CTCFL: variants seen among roughly 807,000 people sequenced by gnomAD.
CTCFL encodes transcriptional repressor CTCFL.
A neutral mutation model predicts 67.4 loss-of-function variants in CTCFL; 36 were observed. That is an observed-to-expected ratio of 0.53 (90% CI 0.41 to 0.71). The LOEUF is 0.71. Among genes scored for constraint, CTCFL ranks in the 30% least tolerant of loss-of-function variants. The pLI, the probability that CTCFL is intolerant of heterozygous loss-of-function variation, is 0.00. For missense variants in CTCFL, 786 were observed against 835.2 expected (o/e 0.94, Z 0.73); for synonymous variants, 324 against 302.3 (o/e 1.07, Z -0.75).
chr20:57,522,892 C>CA (rs1374752656), intron 3 of CTCFL, among the ~76,000 whole-genome samples, 176 bp downstream of exon 3: 2 of 152,210 alleles, frequency 1.3e-5, no homozygotes, highest in African/African-American at 4.8e-5. Flanking sequence ...GTGTAAAGTG[C>CA]AAAACCCTTC....
At position 57,503,513 on chromosome 20, in the gene CTCFL, T is replaced by G. The variant is rs1335271623; in HGVS notation, c.1763A>C (p.Lys588Thr). 6.2e-7 allele frequency: 1 copy of G among 1,614,194 alleles called. No homozygotes were observed. Among genetic ancestry groups the G allele is most frequent in the South Asian group, 1.1e-5 (1 of 91,090 alleles). The change falls in exon 10 of 11, where the codon AAG (lysine) becomes ACG (threonine). Residue 588 changes from lysine to threonine, a missense_variant. By Grantham distance (78) the Lys-to-Thr change is moderately conservative (BLOSUM62 -1). This residue lies in a region of CTCFL where 199 missense variants were observed against 196.7 expected (regional missense o/e 1.01). Transcript: ENST00000243914. ...SGKGRRTRKR[K>T]QTILKEATKG... is the part of the protein sequence containing the mutation. ...TGTGGCTTCCTTCAGGATGGTCTGC[T>G]TCCTCTTTCTTGTTCTTCTTCCCTT...
intron 9 of CTCFL, 61 bp from the exon 10 acceptor site, chr20:57,503,662 G>C (rs916422729): frequency 2.6e-6 from 4 of 1,533,456 alleles, no homozygotes; most frequent in African/African-American, 3.4e-5. Context: ...ACCCCTCTCA[G>C]GGGCCTGTGG....
At position 57,506,702 on chromosome 20, in the gene CTCFL, C is replaced by T. The variant is rs146437198; in HGVS notation, c.1674+1904G>A. 135 of 694,054 alleles carry T rather than the reference C, an allele frequency of 1.9e-4. 2 individuals are homozygous for T. In the Admixed American group the frequency reaches 6.0e-3, roughly 31 times the overall value. 43.0% of individuals were successfully genotyped at this position (694,054 alleles called of 1,614,324 possible). A position where few individuals can be genotyped will look rare whatever the true frequency, so the allele number is the denominator to read the frequency against. On this transcript the variant is annotated intron_variant, in intron 9 of 10. Coordinates refer to ENST00000243914, the MANE Select transcript of CTCFL (RefSeq NM_001386993.1). ...CAAGTCCAAATATGCTTTCTTGAAT[C>T]GGAATTTCAAAAATTTTATGTTCTG...
chr20:57,502,834 T>C (rs140661763), intron 10 of CTCFL, among the ~76,000 whole-genome samples: 70 of 152,290 alleles, frequency 4.6e-4, no homozygotes, highest in African/African-American at 9.6e-4. Flanking sequence ...CTAAGCCCCA[T>C]AGCTGACCTC....
At chr20:57,508,450 TA>T (rs1313467144) in intron 9 of CTCFL, among the ~76,000 whole-genome samples, 155 bp downstream of exon 9, 1 of 152,018 alleles carries the variant, frequency 6.6e-6, no homozygotes, top group Non-Finnish European at 1.5e-5. Context: ...TTTGTGATTT[TA>T]AAAAACTAAT....
At chr20:57,505,626 C>T (rs1197500167) in intron 9 of CTCFL, among the ~76,000 whole-genome samples, 5 of 152,210 alleles carry the variant, frequency 3.3e-5, no homozygotes, top group Non-Finnish European at 7.3e-5. Context: ...AAATTCAATA[C>T]ATCAGTCAAT....
chr20:57,509,911 G>A (rs1232880617), intron 8 of CTCFL, among the ~76,000 whole-genome samples: 1 of 152,158 alleles, frequency 6.6e-6, no homozygotes, highest in Admixed American at 6.5e-5. Flanking sequence ...CCACGGCCAT[G>A]ACCTGCCTGG....
Position 57,498,638 on chromosome 20 carries a change from A to G in CTCFL, c.1904T>C (p.Val635Ala). ...GEQFPGEMFP[V>A]ACRETTARVK... ...TCTGGCTGTGGTTTCTCTGCAGGCG[A>G]CAGGAAACATCTCTCCTGGGAACTG... Residue 635 changes from valine to alanine, a missense_variant, in exon 11 of 11, where the codon GTC (valine) becomes GCC (alanine). By Grantham distance (64) the Val-to-Ala change is moderately conservative. Transcript: ENST00000243914. 1 of 1,614,118 alleles carries G rather than the reference A, an allele frequency of 6.2e-7. No individual in the cohort carries two copies. Among genetic ancestry groups the G allele is most frequent in the Non-Finnish European group, 8.5e-7 (1 of 1,179,996 alleles).
At position 57,502,446 on chromosome 20, in the gene CTCFL, C is replaced by T. The variant is rs898833271; in HGVS notation, c.1840+990G>A. On this transcript the variant is annotated intron_variant, in intron 10 of 10. Transcript: ENST00000243914. ...TGAAATTCAGATTGAGCTGGGCATC[C>T]TCTATCTGATCTGGTAACTCTTGAG... 2.0e-5 allele frequency among the ~76,000 whole-genome samples: 3 copies of T among 152,156 alleles called. No individual in the cohort carries two copies. The South Asian group carries it at 6.2e-4, about 32-fold the overall frequency.
At chr20:57,511,491 T>C (rs1034029044) in intron 8 of CTCFL, among the ~76,000 whole-genome samples, 4 of 152,170 alleles carry the variant, frequency 2.6e-5, no homozygotes, top group African/African-American at 9.7e-5. Flanking sequence ...GGATTGGTCA[T>C]TTGGAAAATA....
At chr20:57,509,068 C>T (rs1298123470) in intron 8 of CTCFL, among the ~76,000 whole-genome samples, 2 of 152,144 alleles carry the variant, frequency 1.3e-5, no homozygotes, top group African/African-American at 2.4e-5. Flanking sequence ...CACCGCAGGG[C>T]GTGAAAGGAT....
rs111775490 is a variant in CTCFL, at chr20:57,502,153, C to T, written c.1840+1283G>A. On this transcript the variant is annotated intron_variant, in intron 10 of 10. Coordinates refer to ENST00000243914, the MANE Select transcript of CTCFL (RefSeq NM_001386993.1). ...TGCCAGGCAGGGCCTGGCTGTGTGACGCAGGCATGGGAAAGGCAGGCCGGG... is the reference window on the plus strand; with the variant it reads ...TGCCAGGCAGGGCCTGGCTGTGTGATGCAGGCATGGGAAAGGCAGGCCGGG... 3.0e-3 allele frequency among the ~76,000 whole-genome samples: 450 copies of T among 152,290 alleles called. 6 individuals are homozygous for T. Among genetic ancestry groups the T allele is most frequent in the Non-Finnish European group, 1.2e-3 (82 of 68,016 alleles).
intron 5 of CTCFL, among the ~76,000 whole-genome samples, chr20:57,517,283 C>CTTTTT (rs77609219): frequency 1.5e-5 from 2 of 130,770 alleles, no homozygotes; most frequent in Non-Finnish European, 3.3e-5. Flanking sequence ...AGTTCAAATG[C>CTTTTT]TTTTTTTTTT....
chr20:57,499,073 CGGGGGGGGGGTGGG>C (rs1382200187), intron 10 of CTCFL, among the ~76,000 whole-genome samples: 1 of 65,340 alleles, frequency 1.5e-5, no homozygotes, highest in Non-Finnish European at 3.6e-5. Context: ...CTGAAGGTGA[CGGGGGGGGGGTGGG>C]GGGGGGACAC....
rs1273141847 is a variant in CTCFL at position 57,498,542 on chromosome 20, A to C, written c.*8T>G. The C allele has an allele frequency of 1.2e-6, 2 of 1,608,960 alleles. No homozygotes were observed. The highest frequency in any genetic ancestry group is 2.7e-5 in the African/African-American group (2 of 74,806). On this transcript the variant is annotated 3_prime_UTR_variant, in exon 11 of 11. Transcript: ENST00000243914. ...TTGGGGGCAGTGAACACGCAACCCG[A>C]ATCCCTCTCACTTATCCATCGTGTT...
Position 57,511,909 on chromosome 20 carries a change from T to A in CTCFL, c.1491+683A>T, listed in dbSNP as rs557414345. On this transcript the variant is annotated intron_variant, in intron 8 of 10. Coordinates refer to ENST00000243914, the MANE Select transcript of CTCFL (RefSeq NM_001386993.1). ...CACTTGGCCTACATTGTTCATTTTT[T>A]AAAAAAATGTCCACCAACGCCCAAT... 2.2e-4 allele frequency among the ~76,000 whole-genome samples: 34 copies of A among 152,266 alleles called. No individual in the cohort carries two copies. In the East Asian group the frequency reaches 5.6e-3, roughly 25 times the overall value.
chr20:57,521,517 CAA>C (rs1386556476), intron 3 of CTCFL, among the ~76,000 whole-genome samples: 1 of 152,146 alleles, frequency 6.6e-6, no homozygotes, highest in Non-Finnish European at 1.5e-5. Flanking sequence ...GGTAGCTCCT[CAA>C]AAAATTAAAC....
downstream of CTCFL, chr20:57,496,410 AG>A (rs1187886700): frequency 5.7e-6 from 3 of 526,340 alleles, no homozygotes; most frequent in Non-Finnish European, 1.0e-5. Flanking sequence ...ACCCAGTTTC[AG>A]GTATTTCTTT....
At chr20:57,501,908 C>G (rs999000431) in intron 10 of CTCFL, among the ~76,000 whole-genome samples, 2 of 152,192 alleles carry the variant, frequency 1.3e-5, no homozygotes, top group South Asian at 4.1e-4. Flanking sequence ...TCGTCCCCAC[C>G]CTGTGATGGA....
Sources: allele counts gnomAD v4.1 joint callset (sites outside exome capture counted in the v4.1 genomes callset), GRCh38; gene constraint gnomAD v4.1.1; regional missense constraint gnomAD v4.1.1; transcripts MANE v1.5; gene names NCBI Gene and HGNC (gene_info 2026-07-23, HGNC 2026-07-21).